The following NCAM1 variants were observed in gnomAD, a reference collection of about 807,000 sequenced individuals.
NCAM1 encodes the protein antigen recognized by monoclonal antibody 5.1H11.
Under a neutral mutation model 109.8 loss-of-function variants are expected in NCAM1, and 14 were observed. That is an observed-to-expected ratio of 0.13 (90% CI 0.08 to 0.20). The LOEUF is 0.20. Ranked by LOEUF, NCAM1 falls within the 10% of genes least tolerant of loss-of-function variation. The pLI is 1.00. For synonymous variants in NCAM1, 418 were observed against 442.9 expected, an observed-to-expected ratio of 0.94 and a Z score of 0.70; for missense variants, 774 against 1,109.9, an observed-to-expected ratio of 0.70 and a Z score of 4.30.
chr11:113,066,974 G>C (rs1341232151), intron 1 of NCAM1, among the ~76,000 whole-genome samples: 1 of 146,364 alleles, frequency 6.8e-6, no homozygotes, highest in African/African-American at 2.5e-5. Context: ...ACTGCACTCC[G>C]GCCTGGGTGA....
rs969167938 is a variant in NCAM1 at position 113,197,859 on chromosome 11, C to T, written c.53-4520C>T. Among the ~76,000 whole-genome samples the T allele has an allele frequency of 2.6e-5, 4 of 152,176 alleles. No individual in the cohort carries two copies. The South Asian group carries it at 8.3e-4, about 32-fold the overall frequency. On this transcript the variant is annotated intron_variant, in intron 1 of 19. Transcript: ENST00000316851. ...TTCTCTGTTGCTTTGCCCACCTCTTCTGATAAGCACCTGAGCATCTTTTAG... is the reference window on the plus strand; with the variant it reads ...TTCTCTGTTGCTTTGCCCACCTCTTTTGATAAGCACCTGAGCATCTTTTAG...
chr11:113,164,922 C>T (rs1468765858), intron 1 of NCAM1, among the ~76,000 whole-genome samples: 1 of 152,160 alleles, frequency 6.6e-6, no homozygotes, highest in Non-Finnish European at 1.5e-5. Context: ...CAACCCCAGC[C>T]AGGAGCCCAC....
At chr11:113,220,621 T>C (rs1555115131) in intron 8 of NCAM1, among the ~76,000 whole-genome samples, 1 of 141,990 alleles carries the variant, frequency 7.0e-6, no homozygotes, top group African/African-American at 2.7e-5. Context: ...TTTTTTTTTT[T>C]TTTTGAGACA....
intron 17 of NCAM1, among the ~76,000 whole-genome samples, chr11:113,269,107 T>A (rs1420987735): frequency 6.6e-6 from 1 of 152,160 alleles, no homozygotes; most frequent in Non-Finnish European, 1.5e-5. Flanking sequence ...GCTTCCTGCA[T>A]CATGACCACT....
chr11:113,074,840 C>T (rs1938455753), intron 1 of NCAM1, among the ~76,000 whole-genome samples: 1 of 152,134 alleles, frequency 6.6e-6, no homozygotes, highest in Admixed American at 6.5e-5. Context: ...CCATGTTGGC[C>T]AGGCTGGTCT....
chr11:113,025,822 AGG>A (rs10687232), intron 1 of NCAM1, among the ~76,000 whole-genome samples: 213 of 144,976 alleles, frequency 1.5e-3, no homozygotes, highest in African/African-American at 3.9e-3. Flanking sequence ...AGAGAGAGAG[AGG>A]GAGAGAGAGA....
chr11:113,054,386 A>G (rs1555082228), intron 1 of NCAM1, among the ~76,000 whole-genome samples: 1 of 152,202 alleles, frequency 6.6e-6, no homozygotes, highest in African/African-American at 2.4e-5. Flanking sequence ...CACCCTCAGC[A>G]TTTTAAAGCC....
intron 1 of NCAM1, among the ~76,000 whole-genome samples, chr11:113,044,200 C>T (rs1439982759): frequency 6.6e-6 from 1 of 152,072 alleles, no homozygotes; most frequent in Admixed American, 6.6e-5. Flanking sequence ...AGGCTATTGT[C>T]TGAACAACTT....
intron 1 of NCAM1, among the ~76,000 whole-genome samples, chr11:113,154,005 T>G (rs767989129): frequency 1.2e-4 from 18 of 152,376 alleles, no homozygotes; most frequent in Non-Finnish European, 2.2e-4. Context: ...AATGCATATC[T>G]GAACAGAACA....
rs370822755 is a variant in NCAM1 at position 113,246,350 on chromosome 11, G to A, written c.1826-18G>A. 3.5e-4 allele frequency: 259 copies of A among 740,318 alleles called. 1 individual carries two copies. Among genetic ancestry groups the A allele is most frequent in the Admixed American group, 1.8e-3 (101 of 55,342 alleles). The allele number at this position is 740,318 out of a possible 1,614,324, so 45.9% of individuals were successfully genotyped here. On this transcript the variant is annotated intron_variant, in intron 14 of 19. Transcript: ENST00000316851. ...TGGCTTGCATGGTGCTGATGATGTCGTCCACGCTGGTGAACAGAAGGTAAA... is the reference window on the plus strand; with the variant it reads ...TGGCTTGCATGGTGCTGATGATGTCATCCACGCTGGTGAACAGAAGGTAAA...
chr11:113,245,261 C>T (rs782431977), intron 14 of NCAM1, among the ~76,000 whole-genome samples: 2 of 151,978 alleles, frequency 1.3e-5, no homozygotes, highest in African/African-American at 2.4e-5. Context: ...GCCAACAGGG[C>T]GAAACCCCCA....
At position 113,022,354 on chromosome 11, in the gene NCAM1, T is replaced by C. The variant is rs139251172; in HGVS notation, c.52+60690T>C. On this transcript the variant is annotated intron_variant, in intron 1 of 19. Transcript: ENST00000316851. ...CAGAGCTGATGAAGTCTCTACACTT[T>C]TGTTGTTTCTATTCTGGACAGGGTA... is the stretch of plus-strand genomic sequence containing the variant. 1.4e-3 allele frequency among the ~76,000 whole-genome samples: 206 copies of C among 152,286 alleles called. 2 individuals carry two copies. Among genetic ancestry groups the C allele is most frequent in the African/African-American group, 4.8e-3 (201 of 41,576 alleles).
chr11:112,962,767 C>A lies in NCAM1; in HGVS notation c.52+1103C>A, dbSNP rs530994344. Among the ~76,000 whole-genome samples the A allele has an allele frequency of 6.6e-6, 1 of 152,144 alleles. No homozygotes were observed. Among genetic ancestry groups the A allele is most frequent in the African/African-American group, 2.4e-5 (1 of 41,430 alleles). On this transcript the variant is annotated intron_variant, in intron 1 of 19. Transcript: ENST00000316851. The surrounding 1 kb of genome is among the most constrained non-coding windows in gnomAD (Gnocchi z 5.6). ...CCCTCCCCTCCAGCTGTCATCCCCCCACCTCCACCCAAGGATTTGCGCTTT... is the reference window on the plus strand; with the variant it reads ...CCCTCCCCTCCAGCTGTCATCCCCCAACCTCCACCCAAGGATTTGCGCTTT...
chr11:113,053,968 G>A (rs4144893), intron 1 of NCAM1, among the ~76,000 whole-genome samples: 29,438 of 152,088 alleles, frequency 0.19, 3,105 homozygotes, highest in East Asian at 0.46. Context: ...GACTTGGGCC[G>A]TCTCTGCCAT....
chr11:113,058,993 T>C (rs537520851), intron 1 of NCAM1, among the ~76,000 whole-genome samples: 1 of 152,318 alleles, frequency 6.6e-6, no homozygotes, highest in South Asian at 2.1e-4. Flanking sequence ...CTCCATGTAT[T>C]TCATTAATAC....
intron 1 of NCAM1, among the ~76,000 whole-genome samples, chr11:112,998,650 C>G (rs553031059): frequency 6.6e-6 from 1 of 152,206 alleles, no homozygotes; most frequent in African/African-American, 2.4e-5. Flanking sequence ...CCAAACAACT[C>G]TCGACACTAA....
intron 1 of NCAM1, among the ~76,000 whole-genome samples, chr11:113,081,143 G>C (rs1292410521): frequency 6.6e-6 from 1 of 152,154 alleles, no homozygotes; most frequent in Non-Finnish European, 1.5e-5. Flanking sequence ...ATAAACATTG[G>C]GGATGCCCGT....
chr11:113,020,940 A>T (rs1012128866), intron 1 of NCAM1, among the ~76,000 whole-genome samples: 1 of 152,022 alleles, frequency 6.6e-6, no homozygotes, highest in Admixed American at 6.6e-5. Flanking sequence ...TATTTTTAGT[A>T]GGGATGGGAT....
intron 1 of NCAM1, among the ~76,000 whole-genome samples, chr11:113,097,990 T>C (rs1209353604): frequency 6.6e-6 from 1 of 152,174 alleles, no homozygotes; most frequent in Non-Finnish European, 1.5e-5. Flanking sequence ...TAAACATAAT[T>C]TATAAACATA....
Sources: allele counts gnomAD v4.1 joint callset (sites outside exome capture counted in the v4.1 genomes callset), GRCh38; gene constraint gnomAD v4.1.1; non-coding constraint Gnocchi (gnomAD v3.1); transcripts MANE v1.5; gene names NCBI Gene and HGNC (gene_info 2026-07-23, HGNC 2026-07-21).